PRUNE2: variants seen among roughly 807,000 people sequenced by gnomAD.
PRUNE2 encodes the protein protein prune homolog 2.
Under a neutral mutation model 252.0 loss-of-function variants are expected in PRUNE2, and 164 were observed. That is an observed-to-expected ratio of 0.65 (90% CI 0.57 to 0.74). The LOEUF (loss-of-function observed/expected upper bound fraction) is 0.74. Ranked by LOEUF, PRUNE2 falls within the 30% of genes least tolerant of loss-of-function variation. The probability of loss-of-function intolerance (pLI) is 0.00; values close to 1 mark genes in which losing one functional copy is unlikely to be tolerated. For synonymous variants in PRUNE2, 1,292 were observed against 1,350.2 expected, an observed-to-expected ratio of 0.96 and a Z score of 0.94; for missense variants, 3,495 against 3,711.0, an observed-to-expected ratio of 0.94 and a Z score of 1.51.
intron 6 of PRUNE2, among the ~76,000 whole-genome samples, chr9:76,805,764 G>A (rs1295449083): frequency 6.6e-6 from 1 of 152,114 alleles, no homozygotes; most frequent in African/African-American, 2.4e-5. Flanking sequence ...ATCATCAATG[G>A]TAACAATTAA....
chr9:76,732,489 T>A (rs553880782), intron 6 of PRUNE2, among the ~76,000 whole-genome samples: 155 of 152,314 alleles, frequency 1.0e-3, no homozygotes, highest in Non-Finnish European at 1.8e-3. Flanking sequence ...TCTGTTGCCT[T>A]TCATTTACTC....
chr9:76,771,783 C>T (rs2053136848), intron 6 of PRUNE2, among the ~76,000 whole-genome samples: 1 of 152,062 alleles, frequency 6.6e-6, no homozygotes, highest in South Asian at 2.1e-4. Flanking sequence ...CAATTATTTC[C>T]CAGAGGGAGA....
chr9:76,733,925 GTT>G (rs930737635), intron 6 of PRUNE2, among the ~76,000 whole-genome samples: 10 of 106,850 alleles, frequency 9.4e-5, no homozygotes, highest in African/African-American at 3.8e-4. Context: ...AGTTTTAGTT[GTT>G]TTTTTTTTTT....
At chr9:76,746,476 C>A (rs1053601407) in intron 6 of PRUNE2, among the ~76,000 whole-genome samples, 2 of 151,722 alleles carry the variant, frequency 1.3e-5, no homozygotes, top group Admixed American at 6.6e-5. Context: ...GAGGCCGAGG[C>A]GGGTGGATCA....
At chr9:76,784,480 A>C (rs1384851210) in intron 6 of PRUNE2, 1 of 152,204 alleles carries the variant, frequency 6.6e-6, no homozygotes, top group Non-Finnish European at 1.5e-5. Flanking sequence ...TCATAACCAA[A>C]TCATTTCATA....
chr9:76,744,048 T>G (rs2049887222), intron 6 of PRUNE2, among the ~76,000 whole-genome samples: 1 of 152,204 alleles, frequency 6.6e-6, no homozygotes, highest in South Asian at 2.1e-4. Flanking sequence ...AGTGCACTAA[T>G]AAACACTAGT....
chr9:76,692,570 A>C, intron 9 of PRUNE2: 1 of 159,956 alleles, frequency 6.3e-6, no homozygotes, highest in Non-Finnish European at 1.4e-5. Context: ...GGACTGTGGA[A>C]GCATAGCAGG....
chr9:76,821,164 G>C (rs61566339), intron 6 of PRUNE2, among the ~76,000 whole-genome samples: 3 of 152,116 alleles, frequency 2.0e-5, no homozygotes, highest in African/African-American at 7.2e-5. Flanking sequence ...ATAAAAAATA[G>C]TGAATCTGTA....
chr9:76,766,151 C>T (rs1161323546), intron 6 of PRUNE2, among the ~76,000 whole-genome samples: 1 of 147,988 alleles, frequency 6.8e-6, no homozygotes, highest in African/African-American at 2.5e-5. Context: ...CCACTGCACT[C>T]TAGCCTGGGT....
intron 6 of PRUNE2, among the ~76,000 whole-genome samples, chr9:76,768,959 C>G (rs2052773412): frequency 6.6e-6 from 1 of 152,116 alleles, no homozygotes. Context: ...ACAAGTCAAA[C>G]AAAGATATAT....
chr9:76,664,014 A>G (rs541878261), intron 9 of PRUNE2, among the ~76,000 whole-genome samples: 11 of 152,202 alleles, frequency 7.2e-5, no homozygotes, highest in African/African-American at 2.4e-4. Flanking sequence ...GATCCGCTAC[A>G]TCCTACCTTC....
rs746483925 is a variant in PRUNE2, at chr9:76,706,594, G to C, written c.5680C>G (p.Pro1894Ala). The C allele has an allele frequency of 1.2e-6, 2 of 1,613,830 alleles. No individual in the cohort carries two copies. The highest frequency in any genetic ancestry group is 1.7e-6 in the Non-Finnish European group (2 of 1,179,890). ...TTCTTCCCATTACCTTCCAGAAAGG[G>C]TGACTGATGGTTGTCACTAAAAGGA... ...TNPFSDNHQS[P>A]FLEGNGKNSH... The change falls in exon 8 of 19, where the codon CCC (proline) becomes GCC (alanine). Residue 1894 changes from proline (P) to alanine (A), a missense_variant. Physicochemically the swap from Pro to Ala is conservative, Grantham distance 27. Coordinates refer to ENST00000376718, the MANE Select transcript of PRUNE2 (RefSeq NM_015225.3).
intron 6 of PRUNE2, chr9:76,778,810 A>G (rs1209578354): frequency 6.6e-6 from 1 of 152,238 alleles, no homozygotes; most frequent in Non-Finnish European, 1.5e-5. Context: ...GCATAACACC[A>G]AATTTAATAT....
At chr9:76,655,828 T>A (rs905231761) in intron 9 of PRUNE2, among the ~76,000 whole-genome samples, 4 of 152,284 alleles carry the variant, frequency 2.6e-5, no homozygotes, top group East Asian at 1.9e-4. Flanking sequence ...ATATATATAT[T>A]TTTAACAACA....
At chr9:76,749,201 C>A (rs1589002043) in intron 6 of PRUNE2, among the ~76,000 whole-genome samples, 1 of 152,168 alleles carries the variant, frequency 6.6e-6, no homozygotes, top group African/African-American at 2.4e-5. Flanking sequence ...GGCCTCCCAC[C>A]AAGTGGAAAA....
intron 1 of PRUNE2, among the ~76,000 whole-genome samples, chr9:76,894,747 C>T (rs934450143): frequency 3.1e-5 from 4 of 130,020 alleles, no homozygotes; most frequent in Non-Finnish European, 5.0e-5. Flanking sequence ...CAGCCAGGTA[C>T]GGTGGCTCAC....
intron 4 of PRUNE2, among the ~76,000 whole-genome samples, chr9:76,841,058 C>A (rs946163509): frequency 1.3e-5 from 2 of 152,006 alleles, no homozygotes; most frequent in Non-Finnish European, 2.9e-5. Flanking sequence ...CAGCTCCCAA[C>A]AAGATCAATG....
intron 7 of PRUNE2, among the ~76,000 whole-genome samples, chr9:76,712,461 C>A (rs533118795): frequency 7.0e-6 from 1 of 142,918 alleles, no homozygotes; most frequent in South Asian, 2.5e-4. Flanking sequence ...TTCCAGCGAT[C>A]CACCTCTGGC....
intron 6 of PRUNE2, chr9:76,738,553 T>C (rs1248864688): frequency 6.6e-6 from 1 of 152,204 alleles, no homozygotes; most frequent in East Asian, 1.9e-4. Flanking sequence ...CTGGTAATTA[T>C]AAGAGATAAT....
Sources: gnomAD v4.1 joint callset for allele counts (sites outside exome capture counted in the v4.1 genomes callset) on GRCh38, gnomAD v4.1.1 for gene constraint, MANE v1.5 for transcripts, NCBI Gene and HGNC (gene_info 2026-07-23, HGNC 2026-07-21) for gene names.